The following CENPI variants were observed in gnomAD, a reference collection of about 807,000 sequenced individuals.
CENPI encodes centromere protein I.
Under a neutral mutation model 60.4 loss-of-function variants are expected in CENPI, and 4 were observed. That is an observed-to-expected ratio of 0.07 (90% CI 0.03 to 0.15). CENPI has a LOEUF of 0.15. Ranked by LOEUF, CENPI falls within the 10% of genes least tolerant of loss-of-function variation. CENPI has a pLI of 1.00. For synonymous variants in CENPI, 157 were observed against 189.4 expected, an observed-to-expected ratio of 0.83 and a Z score of 1.40; for missense variants, 444 against 534.5, an observed-to-expected ratio of 0.83 and a Z score of 1.67.
intron 15 of CENPI, among the ~76,000 whole-genome samples, chrX:101,133,648 G>C (rs1968958429): frequency 9.1e-6 from 1 of 110,446 alleles, no homozygotes; most frequent in South Asian, 3.8e-4. Flanking sequence ...ACAGTCTAAA[G>C]GAATCTTAAG....
At chrX:101,133,178 A>C (rs932348874) in intron 15 of CENPI, among the ~76,000 whole-genome samples, 1 of 110,822 alleles carries the variant, frequency 9.0e-6, no homozygotes, top group African/African-American at 3.3e-5. Context: ...ATGGCACTTG[A>C]TTAATTACCT....
chrX:101,123,198 G>A (rs1363374332), intron 8 of CENPI, among the ~76,000 whole-genome samples: 2 of 112,191 alleles, frequency 1.8e-5, no homozygotes, highest in African/African-American at 3.2e-5. Context: ...ATAGTAACAG[G>A]CATAGTCAAC....
intron 6 of CENPI, among the ~76,000 whole-genome samples, chrX:101,119,416 T>C (rs2089654454): frequency 8.9e-6 from 1 of 111,785 alleles, no homozygotes; most frequent in South Asian, 3.7e-4. Context: ...TTAGAGAAGG[T>C]ATTGGCAAAC....
chrX:101,101,289 T>A lies in CENPI; in HGVS notation c.219T>A (p.Phe73Leu). 8.6e-7 allele frequency: 1 copy of A among 1,168,592 alleles called. No homozygotes were observed. Among genetic ancestry groups the A allele is most frequent in the African/African-American group, 1.8e-5 (1 of 57,123 alleles). Residue 73 changes from phenylalanine to leucine, a missense_variant, in exon 3 of 22, where the codon TTT becomes TTA. Coordinates refer to ENST00000682095, the MANE Select transcript of CENPI (RefSeq NM_001386188.2). Reference protein sequence around the residue: ...EDALQMAVGYFEKGPIKASQN... With the variant: ...EDALQMAVGYLEKGPIKASQN... ...CTTTGCAAATGGCAGTGGGATATTTTGAGAAAGGTAAAGGTGGATTGTTTT... is the reference window on the plus strand; with the variant it reads ...CTTTGCAAATGGCAGTGGGATATTTAGAGAAAGGTAAAGGTGGATTGTTTT...
chrX:101,147,045 C>A (rs1396099285), intron 18 of CENPI, among the ~76,000 whole-genome samples: 1 of 111,473 alleles, frequency 9.0e-6, no homozygotes, highest in East Asian at 2.8e-4. Flanking sequence ...TTAGTGTAGA[C>A]CTTCTTGGCA....
At chrX:101,103,620 C>T (rs1158119373) in intron 4 of CENPI, among the ~76,000 whole-genome samples, 6 of 111,939 alleles carry the variant, frequency 5.4e-5, no homozygotes, top group Non-Finnish European at 9.4e-5. Context: ...GGATTACAGG[C>T]GTGACCCACT....
chrX:101,152,096 G>A (rs1330464633), intron 20 of CENPI, among the ~76,000 whole-genome samples: 1 of 109,674 alleles, frequency 9.1e-6, no homozygotes, highest in Admixed American at 9.8e-5. Context: ...ATGGAGTCTC[G>A]CTCTGTTGTC....
chrX:101,161,645 T>G, intron 21 of CENPI, 76 bp downstream of exon 21: 2 of 986,870 alleles, frequency 2.0e-6, no homozygotes. Flanking sequence ...TACTTTTCCT[T>G]TTTTCCAAAC....
At chrX:101,118,147 GA>G (rs1395730624) in intron 6 of CENPI, among the ~76,000 whole-genome samples, 2 of 112,029 alleles carry the variant, frequency 1.8e-5, no homozygotes, top group Non-Finnish European at 3.8e-5. Flanking sequence ...GAATTTTGGG[GA>G]AGGTACTAGG....
rs1043568955 is a variant in CENPI at position 101,146,286 on chromosome X, C to T, written c.1826+9C>T. 8.4e-7 allele frequency: 1 copy of T among 1,190,825 alleles called. No individual in the cohort carries two copies. On this transcript the variant is annotated intron_variant, in intron 18 of 21. Coordinates refer to ENST00000682095, the MANE Select transcript of CENPI (RefSeq NM_001386188.2). ...TGTTTTATTATGCACAGGTACAAAG[C>T]CTTTTTACCATTTTATGAAACAGTG...
Position 101,117,484 on chromosome X carries a change from C to T in CENPI, c.592-2918C>T, listed in dbSNP as rs189181490. 5.6e-3 allele frequency among the ~76,000 whole-genome samples: 626 copies of T among 112,058 alleles called. 6 individuals are homozygous for T. The highest frequency in any genetic ancestry group is 0.016 in the African/African-American group (509 of 30,893). ...TGTTGGGATTACAGGCATGAGCCAC[C>T]GCGCCTGGCCAAACTGCAGACGTTT... is the stretch of plus-strand genomic sequence containing the variant. On this transcript the variant is annotated intron_variant, in intron 6 of 21. Transcript: ENST00000682095.
rs370906127 is a variant in CENPI, at chrX:101,101,317, T to G, written c.226+21T>G. The G allele has an allele frequency of 4.4e-5, 44 of 1,000,449 alleles. No homozygotes were observed. In the African/African-American group the frequency reaches 7.6e-4, roughly 17 times the overall value. 82.4% of individuals were successfully genotyped at this position (1,000,449 alleles called of 1,213,427 possible). ...GAAAGGTAAAGGTGGATTGTTTTCCTTATGAAACTCCTATTTCTGTAAAAA... is the reference window on the plus strand; with the variant it reads ...GAAAGGTAAAGGTGGATTGTTTTCCGTATGAAACTCCTATTTCTGTAAAAA... On this transcript the variant is annotated intron_variant, in intron 3 of 21. Transcript: ENST00000682095.
rs11337861 is a variant in CENPI at position 101,157,649 on chromosome X, CAAAAAAAAAAAA to C, written c.2095-3870_2095-3859del. 8.1e-5 allele frequency among the ~76,000 whole-genome samples: 4 copies of C among 49,133 alleles called. No homozygotes were observed. The East Asian group carries it at 2.1e-3, about 26-fold the overall frequency. The allele number at this position is 49,133 out of a possible 115,157, so 42.7% of individuals were successfully genotyped here. ...TGGGTGACAGAGTGAGACCTTGTCT[CAAAAAAAAAAAA>C]AAAAAAAAGGACTTTTTTTTGGTTG... On this transcript the variant is annotated intron_variant, in intron 20 of 21. Coordinates refer to ENST00000682095, the MANE Select transcript of CENPI (RefSeq NM_001386188.2).
chrX:101,127,104 C>T, intron 9 of CENPI, 34 bp from the exon 10 acceptor site: 1 of 1,088,168 alleles, frequency 9.2e-7, no homozygotes, highest in South Asian at 2.4e-5. Flanking sequence ...TTTATGGGTA[C>T]CTACTCTCTT....
intron 15 of CENPI, among the ~76,000 whole-genome samples, chrX:101,134,718 AAGG>A (rs1227542580): frequency 3.6e-5 from 4 of 111,462 alleles, no homozygotes; most frequent in African/African-American, 1.3e-4. Flanking sequence ...AAACCTGAAA[AAGG>A]AGGTTAAAAA....
rs548629714 is a variant in CENPI at position 101,141,740 on chromosome X, C to T, written c.1565+980C>T. Among the ~76,000 whole-genome samples, 38 of 110,552 alleles carry T rather than the reference C, an allele frequency of 3.4e-4. No homozygotes were observed. The South Asian group carries it at 0.014, about 40-fold the overall frequency. On this transcript the variant is annotated intron_variant, in intron 16 of 21. Coordinates refer to ENST00000682095, the MANE Select transcript of CENPI (RefSeq NM_001386188.2). ...ACGTTTGAAATTACCTCCACCTGCC[C>T]CCCCCTTTTTTATTGAGACAGGGTC...
intron 20 of CENPI, among the ~76,000 whole-genome samples, chrX:101,158,297 G>A (rs187716670): frequency 0.026 from 1,778 of 69,579 alleles, 26 homozygotes; most frequent in Non-Finnish European, 0.034. Context: ...TTTTTTTTGA[G>A]ACAGAGTTTT....
chrX:101,114,277 C>T (rs1378407030), intron 6 of CENPI, among the ~76,000 whole-genome samples: 6 of 111,692 alleles, frequency 5.4e-5, no homozygotes, highest in African/African-American at 1.6e-4. Context: ...ACAAACCAAC[C>T]AACAAACAAA....
At position 101,147,658 on chromosome X, in the gene CENPI, A is replaced by G. The variant is rs1053800608; in HGVS notation, c.1827-105A>G. The G allele has an allele frequency of 1.6e-5, 10 of 618,033 alleles. No homozygotes were observed. The Admixed American group carries it at 2.4e-4, about 15-fold the overall frequency. The allele number at this position is 618,033 out of a possible 1,213,427, so 50.9% of individuals were successfully genotyped here. On this transcript the variant is annotated intron_variant, in intron 18 of 21. Coordinates refer to ENST00000682095, the MANE Select transcript of CENPI (RefSeq NM_001386188.2). ...GATATTTGTGTATATGCACATTTGC[A>G]TATATTTACATTTAAAATGTATGTT...
Sources: allele counts gnomAD v4.1 joint callset (sites outside exome capture counted in the v4.1 genomes callset), GRCh38; gene constraint gnomAD v4.1.1; transcripts MANE v1.5; gene names NCBI Gene and HGNC (gene_info 2026-07-23, HGNC 2026-07-21).